The following DHCR24 variants were observed in gnomAD, a reference collection of about 807,000 sequenced individuals.
The protein encoded by DHCR24 is delta(24)-sterol reductase.
A neutral mutation model predicts 61.2 loss-of-function variants in DHCR24; 28 were observed. That is an observed-to-expected ratio of 0.46 (90% CI 0.34 to 0.63). The LOEUF (loss-of-function observed/expected upper bound fraction) is 0.63, where lower values mean the gene tolerates loss of function less well. Ranked by LOEUF, DHCR24 falls within the 20% of genes least tolerant of loss-of-function variation. The pLI, the probability that DHCR24 is intolerant of heterozygous loss-of-function variation, is 0.01. For synonymous variants in DHCR24, 261 were observed against 275.9 expected (o/e 0.95, Z 0.54); for missense variants, 538 against 679.1 (o/e 0.79, Z 2.31).
intron 2 of DHCR24, among the ~76,000 whole-genome samples, chr1:54,878,005 CAAA>C (rs34579917): frequency 6.3e-5 from 7 of 111,760 alleles, no homozygotes; most frequent in Admixed American, 9.1e-5. Flanking sequence ...GACTCTGTCT[CAAA>C]AAAAAAAAAA....
chr1:54,860,069 C>G (rs1170430325), intron 6 of DHCR24, among the ~76,000 whole-genome samples: 1 of 152,144 alleles, frequency 6.6e-6, no homozygotes, highest in African/African-American at 2.4e-5. Context: ...AGACCCTCAC[C>G]CCTACACTCC....
chr1:54,874,954 C>A, intron 4 of DHCR24, 139 bp downstream of exon 4: 3 of 779,148 alleles, frequency 3.9e-6, no homozygotes, highest in South Asian at 2.8e-5. Flanking sequence ...AGGGGCTACA[C>A]AAATTTTTGT....
Position 54,876,054 on chromosome 1 carries a change from A to G in DHCR24, c.388-7T>C. ...AGGGCTCCACACGGACAATCTGTTG[A>G]CACAAGAAAAGAGACCCTGGGTCAA... On this transcript the variant is annotated splice_polypyrimidine_tract_variant and splice_region_variant and intron_variant, in intron 2 of 8. Transcript: ENST00000371269. 1 of 1,612,818 alleles carries G rather than the reference A, an allele frequency of 6.2e-7. No homozygotes were observed. The highest frequency in any genetic ancestry group is 1.3e-5 in the African/African-American group (1 of 75,024).
At chr1:54,856,150 C>T (rs1646906422) in intron 6 of DHCR24, among the ~76,000 whole-genome samples, 1 of 152,170 alleles carries the variant, frequency 6.6e-6, no homozygotes, top group Admixed American at 6.5e-5. Context: ...CTAATGTGTG[C>T]TGCAGGGGTC....
chr1:54,856,854 C>T (rs1222384063), intron 6 of DHCR24, among the ~76,000 whole-genome samples: 1 of 152,194 alleles, frequency 6.6e-6, no homozygotes, highest in Non-Finnish European at 1.5e-5. Context: ...TTTATACTCT[C>T]CCAGACAATG....
Position 54,875,153 on chromosome 1 carries a change from T to C in DHCR24, c.552A>G (p.Gln184=), listed in dbSNP as rs1647019583. 1.9e-6 allele frequency: 3 copies of C among 1,614,062 alleles called. No homozygotes were observed. Among genetic ancestry groups the C allele is most frequent in the African/African-American group, 1.3e-5 (1 of 74,932 alleles). The change falls in exon 4 of 9, where the codon CAA becomes CAG. Residue 184 remains glutamine, a synonymous_variant. Transcript: ENST00000371269. ...ESSSHKYGLF[Q]HICTAYELVL... is the part of the protein sequence containing the mutation. Reference sequence around the variant, plus strand: ...CCAGCTCGTAAGCAGTGCAGATGTGTTGGAACAGGCCGTACTTGTGGGATG... The same window carrying C: ...CCAGCTCGTAAGCAGTGCAGATGTGCTGGAACAGGCCGTACTTGTGGGATG...
At chr1:54,873,832 T>C (rs781113965) in intron 4 of DHCR24, among the ~76,000 whole-genome samples, 2 of 152,220 alleles carry the variant, frequency 1.3e-5, no homozygotes, top group Non-Finnish European at 2.9e-5. Flanking sequence ...GTATTGTTTG[T>C]AGACCATGTT....
intron 2 of DHCR24, among the ~76,000 whole-genome samples, chr1:54,878,302 T>C (rs1647045339): frequency 6.6e-6 from 1 of 150,746 alleles, no homozygotes; most frequent in Non-Finnish European, 1.5e-5. Context: ...GGTCAGGAGT[T>C]TGAGACCAGC....
rs1258769279 is a variant in DHCR24 at position 54,871,491 on chromosome 1, C to A, written c.735G>T (p.Val245=). 1 of 1,614,244 alleles carries A rather than the reference C, an allele frequency of 6.2e-7. No individual in the cohort carries two copies. The highest frequency in any genetic ancestry group is 2.2e-5 in the East Asian group (1 of 44,874). ...KKYVKLRFEP[V]RGLEAICAKF... ...TGGCACAGATAGCCTCCAGGCCCCG[C>A]ACTGGCTCGAAACGCAGCTTGACGT... Residue 245 remains valine (V), a synonymous_variant, in exon 5 of 9, where the codon GTG becomes GTT. Coordinates refer to ENST00000371269, the MANE Select transcript of DHCR24 (RefSeq NM_014762.4).
At chr1:54,878,164 G>A (rs1177863621) in intron 2 of DHCR24, among the ~76,000 whole-genome samples, 1 of 148,420 alleles carries the variant, frequency 6.7e-6, no homozygotes, top group Non-Finnish European at 1.5e-5. Context: ...AAATACACAT[G>A]AGGCTATTAC....
At chr1:54,854,372 G>T in intron 6 of DHCR24, 138 bp from the exon 7 acceptor site, 1 of 709,600 alleles carries the variant, frequency 1.4e-6, no homozygotes, top group South Asian at 1.9e-5. Context: ...TTTGGAGGGG[G>T]TGTGATGGGA....
chr1:54,877,710 G>C (rs1043587604), intron 2 of DHCR24, among the ~76,000 whole-genome samples: 5 of 149,820 alleles, frequency 3.3e-5, no homozygotes, highest in Admixed American at 2.6e-4. Context: ...CTTTCTAAGA[G>C]TTAAAAAGAT....
chr1:54,887,164 C>G lies in DHCR24; in HGVS notation c.-45G>C. 2 of 1,497,100 alleles carry G rather than the reference C, an allele frequency of 1.3e-6. No homozygotes were observed. The highest frequency in any genetic ancestry group is 1.2e-5 in the South Asian group (1 of 82,660). The allele number at this position is 1,497,100 out of a possible 1,614,324, so 92.7% of individuals were successfully genotyped here. The stretch of plus-strand genomic sequence containing the variant: ...AGCGCTGCGGGTTCGCGCCTCCTGT[C>G]ACTGCCGCCAGCTCCGCGCCTGGCC... On this transcript the variant is annotated 5_prime_UTR_variant, in exon 1 of 9. Coordinates refer to ENST00000371269, the MANE Select transcript of DHCR24 (RefSeq NM_014762.4).
intron 4 of DHCR24, among the ~76,000 whole-genome samples, chr1:54,873,360 A>T (rs573084852): frequency 6.8e-4 from 104 of 152,302 alleles, no homozygotes; most frequent in Middle Eastern, 3.5e-3. Flanking sequence ...TGTACACTAC[A>T]TAATACTTGA....
At chr1:54,875,664 T>G (rs1218372767) in intron 3 of DHCR24, among the ~76,000 whole-genome samples, 1 of 152,074 alleles carries the variant, frequency 6.6e-6, no homozygotes, top group Non-Finnish European at 1.5e-5. Flanking sequence ...ACTTATTCTG[T>G]GTGTTCCATG....
chr1:54,856,690 A>C (rs1483246126), intron 6 of DHCR24, among the ~76,000 whole-genome samples: 6 of 152,306 alleles, frequency 3.9e-5, no homozygotes, highest in African/African-American at 1.4e-4. Context: ...GCAGACATTT[A>C]GATTATTTCC....
At chr1:54,886,795 C>A in intron 1 of DHCR24, 94 bp downstream of exon 1, 1 of 1,546,722 alleles carries the variant, frequency 6.5e-7, no homozygotes, top group Non-Finnish European at 8.7e-7. Context: ...CCTGGCCGCC[C>A]CCGCACCGCA....
At position 54,871,500 on chromosome 1, in the gene DHCR24, G is replaced by A. The variant is rs138043637; in HGVS notation, c.726C>T (p.Phe242=). 1.9e-5 allele frequency: 31 copies of A among 1,614,086 alleles called. No individual in the cohort carries two copies. Among genetic ancestry groups the A allele is most frequent in the East Asian group, 1.3e-4 (6 of 44,890 alleles). Residue 242 remains phenylalanine (F), a synonymous_variant, in exon 5 of 9, where the codon TTC becomes TTT. Coordinates refer to ENST00000371269, the MANE Select transcript of DHCR24 (RefSeq NM_014762.4). ...IPAKKYVKLR[F]EPVRGLEAIC... is the part of the protein sequence containing the mutation. The stretch of plus-strand genomic sequence containing the variant: ...TAGCCTCCAGGCCCCGCACTGGCTC[G>A]AAACGCAGCTTGACGTACTTCTTGG...
intron 5 of DHCR24, among the ~76,000 whole-genome samples, chr1:54,870,334 T>G (rs1440360563): frequency 1.3e-5 from 2 of 152,214 alleles, no homozygotes; most frequent in Admixed American, 1.3e-4. Flanking sequence ...ACTTTAACTT[T>G]TTCTTTATAT....
Sources: allele counts gnomAD v4.1 joint callset (sites outside exome capture counted in the v4.1 genomes callset), GRCh38; gene constraint gnomAD v4.1.1; transcripts MANE v1.5; gene names NCBI Gene and HGNC (gene_info 2026-07-23, HGNC 2026-07-21).